Variants in PRKACA observed in about 807,000 individuals in gnomAD.
PRKACA encodes protein kinase cAMP-activated catalytic subunit alpha.
In PRKACA, 9 loss-of-function variants were observed where a neutral mutation model predicts 45.8. That is an observed-to-expected ratio of 0.20 (90% CI 0.12 to 0.34). PRKACA has a LOEUF of 0.34. PRKACA is among the 10% of genes least tolerant of loss of function. The probability of loss-of-function intolerance (pLI) is 1.00; values close to 1 mark genes in which losing one functional copy is unlikely to be tolerated. For synonymous variants in PRKACA, 160 were observed against 178.6 expected, an observed-to-expected ratio of 0.90 and a Z score of 0.83; for missense variants, 238 against 458.6, an observed-to-expected ratio of 0.52 and a Z score of 4.39.
rs1977107414 is a variant in PRKACA, at chr19:14,092,490, A to C, written c.*622T>G. ...CTTCTCTTTAAAATGGATTTGAGGA[A>C]TGGGGGGACATGGGAGGGGTGGGAG... On this transcript the variant is annotated 3_prime_UTR_variant, in exon 10 of 10. Transcript: ENST00000308677. The C allele has an allele frequency of 6.6e-5, 24 of 362,698 alleles. No homozygotes were observed. Among genetic ancestry groups the C allele is most frequent in the South Asian group, 1.6e-4 (1 of 6,184 alleles). The allele number at this position is 362,698 out of a possible 1,614,324, so 22.5% of individuals were successfully genotyped here.
Position 14,106,895 on chromosome 19 carries a change from G to A in PRKACA, c.109-7C>T. 6.2e-7 allele frequency: 1 copy of A among 1,614,102 alleles called. No homozygotes were observed. Among genetic ancestry groups the A allele is most frequent in the South Asian group, 1.1e-5 (1 of 91,082 alleles). ...GATCCAAGTGGGCTGTGTTCTGTGG[G>A]CAGAGGGGTCGGTAGGCTCAGGGCA... On this transcript the variant is annotated splice_polypyrimidine_tract_variant and splice_region_variant and intron_variant, in intron 2 of 9. Coordinates refer to ENST00000308677, the MANE Select transcript of PRKACA (RefSeq NM_002730.4).
chr19:14,096,772 C>T (rs1186636680), intron 8 of PRKACA: 1 of 175,182 alleles, frequency 5.7e-6, no homozygotes, highest in Non-Finnish European at 1.2e-5. Flanking sequence ...CCTGTTTCCT[C>T]ACCTCTCCTA....
chr19:14,103,002 G>T, intron 3 of PRKACA, 88 bp from the exon 4 acceptor site: 1 of 1,077,558 alleles, frequency 9.3e-7, no homozygotes, highest in Non-Finnish European at 1.4e-6. Context: ...GGATGCCGGA[G>T]CCAGGCCGGT....
chr19:14,096,905 C>CA (rs1156624945), intron 8 of PRKACA: 10 of 287,488 alleles, frequency 3.5e-5, no homozygotes, highest in Non-Finnish European at 6.1e-5. Flanking sequence ...TCTGAACCCT[C>CA]AGAGTTAGGC....
chr19:14,105,909 T>G (rs1030837304), intron 3 of PRKACA, among the ~76,000 whole-genome samples: 22 of 152,094 alleles, frequency 1.4e-4, no homozygotes, highest in African/African-American at 5.3e-4. Context: ...CCCCCAAGAG[T>G]GCTCTTGTTC....
chr19:14,116,275 C>A (rs1284647841), intron 1 of PRKACA, among the ~76,000 whole-genome samples: 2 of 152,190 alleles, frequency 1.3e-5, no homozygotes. Flanking sequence ...AAGACCATTT[C>A]TGATGGTATT....
At chr19:14,115,878 C>G (rs566924337) in intron 1 of PRKACA, among the ~76,000 whole-genome samples, 14 of 152,258 alleles carry the variant, frequency 9.2e-5, no homozygotes, top group Non-Finnish European at 1.9e-4. Flanking sequence ...CTCCTCCCCC[C>G]CCGGCCAAGT....
At position 14,093,041 on chromosome 19, in the gene PRKACA, AAC is replaced by A; in HGVS notation, c.*69_*70del. ...CTGGGGCCCTCTGGCTGTTCAATCC[AAC>A]CCTCCCACCCCCCCGACCAAAAAAA... On this transcript the variant is annotated 3_prime_UTR_variant, in exon 10 of 10. Transcript: ENST00000308677. The A allele has an allele frequency of 8.0e-6, 4 of 500,030 alleles. No individual in the cohort carries two copies. Among genetic ancestry groups the A allele is most frequent in the Non-Finnish European group, 1.4e-5 (4 of 278,314 alleles). The allele number at this position is 500,030 out of a possible 1,614,324, so 31.0% of individuals were successfully genotyped here. A position where few individuals can be genotyped will look rare whatever the true frequency, so the allele number is the denominator to read the frequency against.
At chr19:14,106,663 CAAGT>C in intron 3 of PRKACA, 93 bp downstream of exon 3, 1 of 1,519,904 alleles carries the variant, frequency 6.6e-7, no homozygotes, top group East Asian at 2.3e-5. Flanking sequence ...CAAAAAAAAG[CAAGT>C]GAGTGAACGG....
Position 14,096,044 on chromosome 19 carries a change from T to TG in PRKACA, c.765+1316_765+1317insC, listed in dbSNP as rs1161772052. On this transcript the variant is annotated intron_variant, in intron 8 of 9. Transcript: ENST00000308677. Reference sequence around the variant, plus strand: ...CAGCTAATTTTTAGTTTTTTTTTTTTTTTTTTTTTTTTGAGACAGAGTCCT... The same window carrying TG: ...CAGCTAATTTTTAGTTTTTTTTTTTTGTTTTTTTTTTTTGAGACAGAGTCCT... Among the ~76,000 whole-genome samples the TG allele has an allele frequency of 1.7e-3, 246 of 146,102 alleles. 1 individual carries two copies. Among genetic ancestry groups the TG allele is most frequent in the African/African-American group, 6.0e-3 (235 of 39,252 alleles).
chr19:14,116,367 C>G (rs1023544670), intron 1 of PRKACA, among the ~76,000 whole-genome samples: 1 of 152,200 alleles, frequency 6.6e-6, no homozygotes, highest in Non-Finnish European at 1.5e-5. Context: ...AGGTCTCTCT[C>G]TGGCTGAGCC....
chr19:14,098,380 G>A (rs190033529), intron 5 of PRKACA: 5 of 165,678 alleles, frequency 3.0e-5, no homozygotes, highest in Non-Finnish European at 6.7e-5. Context: ...GGTCGAGGTG[G>A]GAAGATCGCT....
At chr19:14,100,938 C>T (rs376612500) in intron 4 of PRKACA, 30 bp from the exon 5 acceptor site, 19 of 1,602,014 alleles carry the variant, frequency 1.2e-5, no homozygotes, top group Admixed American at 1.7e-5. Flanking sequence ...GTCAAGGGCC[C>T]ACCCCTGAGA....
In PRKACA at chr19:14,093,222, T is replaced by C. The variant is rs1313095850; in HGVS notation, c.946A>G (p.Ile316Val). ...TCCCCAGGGCCTTTAAACTTTGGTA[T>C]GAAGGGAGCTTCCACCTGGAGAGGG... ...IYQRKVEAPF[I>V]PKFKGPGDTS... The change falls in exon 10 of 10, where the codon ATA becomes GTA. Residue 316 changes from isoleucine (I) to valine (V), a missense_variant. This residue lies in a region of PRKACA where 51 missense variants were observed against 68.6 expected (regional missense o/e 0.74). Coordinates refer to ENST00000308677, the MANE Select transcript of PRKACA (RefSeq NM_002730.4). 2 of 1,613,650 alleles carry C rather than the reference T, an allele frequency of 1.2e-6. No homozygotes were observed. Among genetic ancestry groups the C allele is most frequent in the Non-Finnish European group, 1.7e-6 (2 of 1,179,804 alleles).
intron 4 of PRKACA, 152 bp downstream of exon 4, chr19:14,102,664 A>C: frequency 1.5e-6 from 1 of 686,084 alleles, no homozygotes; most frequent in Non-Finnish European, 2.5e-6. Context: ...TCCCAGCCTG[A>C]CTCCTGTCCC....
intron 1 of PRKACA, chr19:14,112,187 T>TG (rs377580291): frequency 1.3e-4 from 16 of 122,808 alleles, no homozygotes; most frequent in African/African-American, 3.7e-4. Flanking sequence ...AGAGGGATGA[T>TG]GGGGGGGAGG....
intron 3 of PRKACA, among the ~76,000 whole-genome samples, chr19:14,106,318 A>G (rs1977601749): frequency 6.6e-6 from 1 of 151,924 alleles, no homozygotes; most frequent in Non-Finnish European, 1.5e-5. Context: ...ACGTCACTGC[A>G]CTTTCCTGCT....
chr19:14,115,988 C>T (rs1250343829), intron 1 of PRKACA, among the ~76,000 whole-genome samples: 2 of 152,172 alleles, frequency 1.3e-5, no homozygotes, highest in Non-Finnish European at 2.9e-5. Flanking sequence ...AGCCCCCACC[C>T]ATTGGTGACA....
rs777702959 is a variant in PRKACA at position 14,100,814 on chromosome 19, T to C, written c.419+12A>G. 4 of 1,613,354 alleles carry C rather than the reference T, an allele frequency of 2.5e-6. No individual in the cohort carries two copies. Among genetic ancestry groups the C allele is most frequent in the Admixed American group, 1.7e-5 (1 of 59,976 alleles). On this transcript the variant is annotated intron_variant, in intron 5 of 9. Coordinates refer to ENST00000308677, the MANE Select transcript of PRKACA (RefSeq NM_002730.4). ...CCTGACAGCCTGATGTGATGGGGGG[T>C]GGCCCGCTTACCTGAACCTTCCGAT... is the stretch of plus-strand genomic sequence containing the variant.
Sources: gnomAD v4.1 joint callset for allele counts (sites outside exome capture counted in the v4.1 genomes callset) on GRCh38, gnomAD v4.1.1 for gene constraint, gnomAD v4.1.1 regional missense constraint, MANE v1.5 for transcripts, NCBI Gene and HGNC (gene_info 2026-07-23, HGNC 2026-07-21) for gene names.